Variants in BCDIN3D observed in about 807,000 individuals in gnomAD.
BCDIN3D encodes BCDIN3 domain containing RNA methyltransferase, also known as RNA 5'-monophosphate methyltransferase.
A neutral mutation model predicts 21.2 loss-of-function variants in BCDIN3D; 15 were observed. The ratio of observed to expected loss-of-function variants is 0.71; its 90% CI spans 0.47 to 1.09. The LOEUF (loss-of-function observed/expected upper bound fraction) is 1.09. Among genes scored for constraint, BCDIN3D ranks in the 50% least tolerant of loss-of-function variants. The probability of loss-of-function intolerance (pLI) is 0.00; values close to 1 mark genes in which losing one functional copy is unlikely to be tolerated. For synonymous variants in BCDIN3D, 127 were observed against 141.9 expected, an observed-to-expected ratio of 0.90 and a Z score of 0.75; for missense variants, 331 against 366.2, an observed-to-expected ratio of 0.90 and a Z score of 0.79.
chr12:49,842,778 A>C lies in BCDIN3D; in HGVS notation c.234+76T>G, dbSNP rs560520482. 18 of 1,328,520 alleles carry C rather than the reference A, an allele frequency of 1.4e-5. No homozygotes were observed. The African/African-American group carries it at 2.6e-4, about 19-fold the overall frequency. The allele number at this position is 1,328,520 out of a possible 1,614,324, so 82.3% of individuals were successfully genotyped here. A position where few individuals can be genotyped will look rare whatever the true frequency, so the allele number is the denominator to read the frequency against. On this transcript the variant is annotated intron_variant, in intron 1 of 1. Transcript: ENST00000333924. ...GGAAAGTTTCGATGGGTGTTAGCCC[A>C]GGCCAGAACCACAGTGGATGTGTAG...
At position 49,839,009 on chromosome 12, in the gene BCDIN3D, T is replaced by G. The variant is rs755264135; in HGVS notation, c.241A>C (p.Ser81Arg). The change falls in exon 2 of 2, where the codon AGT (serine) becomes CGT (arginine). Residue 81 changes from serine to arginine, a missense_variant. Physicochemically the swap from Ser to Arg is moderately radical, Grantham distance 110. Coordinates refer to ENST00000333924, the MANE Select transcript of BCDIN3D (RefSeq NM_181708.3). Reference sequence around the variant, plus strand: ...AGGAAGTGTTTGTATAGAGCCACACTCAGATCCTAGAGGAATCCAAAACAG... The same window carrying G: ...AGGAAGTGTTTGTATAGAGCCACACGCAGATCCTAGAGGAATCCAAAACAG... Reference protein sequence around the residue: ...LDVGCNSGDLSVALYKHFLSL... With the variant: ...LDVGCNSGDLRVALYKHFLSL... The G allele has an allele frequency of 6.2e-7, 1 of 1,612,226 alleles. No individual in the cohort carries two copies. The highest frequency in any genetic ancestry group is 8.5e-7 in the Non-Finnish European group (1 of 1,179,266).
At chr12:49,842,175 G>T (rs959633410) in intron 1 of BCDIN3D, among the ~76,000 whole-genome samples, 1 of 152,184 alleles carries the variant, frequency 6.6e-6, no homozygotes, top group Non-Finnish European at 1.5e-5. Flanking sequence ...CCGCCTCCCG[G>T]GTTCACGCCA....
At chr12:49,840,511 A>AT (rs1555154692) in intron 1 of BCDIN3D, 2 of 152,162 alleles carry the variant, frequency 1.3e-5, no homozygotes, top group Non-Finnish European at 2.9e-5. Context: ...GAAAATGTTT[A>AT]TTATTTATTT....
intron 1 of BCDIN3D, chr12:49,841,191 G>GGTACTTA: frequency 6.6e-6 from 1 of 152,144 alleles, no homozygotes; most frequent in South Asian, 2.1e-4. Context: ...CTAAAAGGGG[G>GGTACTTA]GTACTTATAT....
intron 1 of BCDIN3D, chr12:49,841,205 C>T (rs1465094699): frequency 6.6e-6 from 1 of 152,060 alleles, no homozygotes; most frequent in Non-Finnish European, 1.5e-5. Context: ...CTTATATGTA[C>T]GTAAATGCTG....
chr12:49,840,450 G>T (rs940304056), intron 1 of BCDIN3D: 2 of 152,234 alleles, frequency 1.3e-5, no homozygotes, highest in African/African-American at 4.8e-5. Context: ...TCTGGGTAGA[G>T]ATAGAGGTTT....
rs1231256778 is a variant in BCDIN3D at position 49,836,563 on chromosome 12, T to C, written c.*1808A>G. The stretch of plus-strand genomic sequence containing the variant: ...TCTACTGTGATAACTGAGACCATCA[T>C]AAACTAGCCTCATTTCCATTAGTTC... On this transcript the variant is annotated 3_prime_UTR_variant, in exon 2 of 2. Coordinates refer to ENST00000333924, the MANE Select transcript of BCDIN3D (RefSeq NM_181708.3). The C allele has an allele frequency of 6.6e-6, 1 of 152,234 alleles. No individual in the cohort carries two copies. The highest frequency in any genetic ancestry group is 1.9e-4 in the East Asian group (1 of 5,206). The allele number at this position is 152,234 out of a possible 1,614,324, so 9.4% of individuals were successfully genotyped here.
Position 49,838,431 on chromosome 12 carries a change from G to A in BCDIN3D, c.819C>T (p.Ile273=). 1.2e-6 allele frequency: 2 copies of A among 1,612,820 alleles called. No homozygotes were observed. Among genetic ancestry groups the A allele is most frequent in the Non-Finnish European group, 1.7e-6 (2 of 1,180,012 alleles). Residue 273 remains isoleucine (I), a synonymous_variant, in exon 2 of 2, where the codon ATC becomes ATT. Transcript: ENST00000333924. ...TCCCTTTTTCTATCAGTGATTCAGG[G>A]ATTGGATGAGTCTCTATGGTTTGTT... ...RAKQTIETHP[I]PESLIEKGKE...
In BCDIN3D at chr12:49,838,337, T is replaced by TCAA; in HGVS notation, c.*31_*33dup. On this transcript the variant is annotated 3_prime_UTR_variant, in exon 2 of 2. Coordinates refer to ENST00000333924, the MANE Select transcript of BCDIN3D (RefSeq NM_181708.3). ...ACATAATTCTCAATATAAAACCCTTTCAATATCTTTCTTGGTCTTCTTGCC... is the reference window on the plus strand; with the variant it reads ...ACATAATTCTCAATATAAAACCCTTTCAACAATATCTTTCTTGGTCTTCTTGCC... 6.4e-7 allele frequency: 1 copy of TCAA among 1,568,154 alleles called. No homozygotes were observed. The highest frequency in any genetic ancestry group is 8.6e-7 in the Non-Finnish European group (1 of 1,163,048).
At chr12:49,840,274 C>T (rs756088619) in intron 1 of BCDIN3D, 6 of 151,820 alleles carry the variant, frequency 4.0e-5, no homozygotes, top group African/African-American at 1.5e-4. Flanking sequence ...ATGATTCTCA[C>T]AAATACATAA....
Position 49,836,487 on chromosome 12 carries a change from G to A in BCDIN3D, c.*1884C>T, listed in dbSNP as rs993199906. ...GAGAGAGCACCCAGCAGGGTTACAG[G>A]GTTTCAAAGTGTTCCTAAATTAAGA... On this transcript the variant is annotated 3_prime_UTR_variant, in exon 2 of 2. Coordinates refer to ENST00000333924, the MANE Select transcript of BCDIN3D (RefSeq NM_181708.3). The A allele has an allele frequency of 2.6e-5, 4 of 152,156 alleles. No individual in the cohort carries two copies. Among genetic ancestry groups the A allele is most frequent in the Non-Finnish European group, 4.4e-5 (3 of 68,044 alleles). 9.4% of individuals were successfully genotyped at this position (152,156 alleles called of 1,614,324 possible).
At position 49,838,979 on chromosome 12, in the gene BCDIN3D, G is replaced by C. The variant is rs1182740491; in HGVS notation, c.271C>G (p.Leu91Val). The C allele has an allele frequency of 1.9e-6, 3 of 1,613,896 alleles. No homozygotes were observed. Among genetic ancestry groups the C allele is most frequent in the Non-Finnish European group, 1.7e-6 (2 of 1,180,026 alleles). The change falls in exon 2 of 2, where the codon CTA becomes GTA. Residue 91 changes from leucine to valine, a missense_variant. Coordinates refer to ENST00000333924, the MANE Select transcript of BCDIN3D (RefSeq NM_181708.3). ...TCTGAGCAGGTTTCCCCGTCAGGTA[G>C]GGAGAGGAAGTGTTTGTATAGAGCC... is the stretch of plus-strand genomic sequence containing the variant. ...SVALYKHFLS[L>V]PDGETCSDAS...
In BCDIN3D at chr12:49,838,962, G is replaced by A. The variant is rs148394849; in HGVS notation, c.288C>T (p.Thr96=). 2.4e-5 allele frequency: 38 copies of A among 1,614,102 alleles called. No homozygotes were observed. The highest frequency in any genetic ancestry group is 3.1e-5 in the Non-Finnish European group (37 of 1,180,042). ...GGAATTCTCTTGAGGCATCTGAGCA[G>A]GTTTCCCCGTCAGGTAGGGAGAGGA... is the stretch of plus-strand genomic sequence containing the variant. ...KHFLSLPDGE[T]CSDASREFRL... The change falls in exon 2 of 2, where the codon ACC becomes ACT. Residue 96 remains threonine, a synonymous_variant. Coordinates refer to ENST00000333924, the MANE Select transcript of BCDIN3D (RefSeq NM_181708.3).
In BCDIN3D at chr12:49,838,676, A is replaced by G. The variant is rs577673623; in HGVS notation, c.574T>C (p.Tyr192His). 15 of 1,613,940 alleles carry G rather than the reference A, an allele frequency of 9.3e-6. No homozygotes were observed. Among genetic ancestry groups the G allele is most frequent in the Non-Finnish European group, 1.1e-5 (13 of 1,179,794 alleles). Residue 192 changes from tyrosine to histidine, a missense_variant, in exon 2 of 2, where the codon TAC (tyrosine) becomes CAC (histidine). Physicochemically the swap from Tyr to His is moderately conservative, Grantham distance 83 (BLOSUM62 2). Coordinates refer to ENST00000333924, the MANE Select transcript of BCDIN3D (RefSeq NM_181708.3). ...FLAHLSSLCH[Y>H]LLVEPQPWKC... is the part of the protein sequence containing the mutation. ...CAGGGTTGGGGCTCCACAAGGAGGT[A>G]GTGGCAGAGGGAGGAAAGATGGGCC... is the stretch of plus-strand genomic sequence containing the variant.
intron 1 of BCDIN3D, chr12:49,839,445 A>G (rs1267398216): frequency 1.9e-5 from 3 of 162,152 alleles, no homozygotes; most frequent in Admixed American, 1.2e-4. Flanking sequence ...AGCAAGCACA[A>G]TCTTACAAAA....
intron 1 of BCDIN3D, chr12:49,839,516 A>C (rs1239003695): frequency 1.3e-5 from 2 of 158,308 alleles, no homozygotes. Context: ...TTCAGCCTTC[A>C]CTAAAGCTTC....
In BCDIN3D at chr12:49,838,334, C is replaced by G. The variant is rs1465471185; in HGVS notation, c.*37G>C. ...TGAACATAATTCTCAATATAAAACC[C>G]TTTCAATATCTTTCTTGGTCTTCTT... On this transcript the variant is annotated 3_prime_UTR_variant, in exon 2 of 2. Transcript: ENST00000333924. 1 of 1,562,468 alleles carries G rather than the reference C, an allele frequency of 6.4e-7. No homozygotes were observed. The highest frequency in any genetic ancestry group is 1.4e-5 in the African/African-American group (1 of 73,326).
Position 49,838,532 on chromosome 12 carries a change from G to C in BCDIN3D, c.718C>G (p.Gln240Glu), listed in dbSNP as rs1222369630. ...CATATTAATTCCATGCCATGATCCT[G>C]GGTCAAGATCTGCACAATCTGATTG... The part of the protein sequence containing the change: ...MPNQIVQILT[Q>E]DHGMELICCF... The change falls in exon 2 of 2, where the codon CAG (glutamine) becomes GAG (glutamate). Residue 240 changes from glutamine (Q) to glutamate (E), a missense_variant. Transcript: ENST00000333924. 6.2e-7 allele frequency: 1 copy of C among 1,614,138 alleles called. No individual in the cohort carries two copies. The highest frequency in any genetic ancestry group is 8.5e-7 in the Non-Finnish European group (1 of 1,180,040).
chr12:49,839,010 C>T lies in BCDIN3D; in HGVS notation c.240G>A (p.Leu80=), dbSNP rs141794776. 4.9e-5 allele frequency: 79 copies of T among 1,612,064 alleles called. No homozygotes were observed. In the African/African-American group the frequency reaches 1.0e-3, roughly 21 times the overall value. The part of the protein sequence containing the change: ...GLDVGCNSGD[L]SVALYKHFLS... ...GGAAGTGTTTGTATAGAGCCACACT[C>T]AGATCCTAGAGGAATCCAAAACAGC... The change falls in exon 2 of 2, where the codon CTG becomes CTA. Residue 80 remains leucine, a synonymous_variant. Transcript: ENST00000333924.
Sources: allele counts gnomAD v4.1 joint callset (sites outside exome capture counted in the v4.1 genomes callset), GRCh38; gene constraint gnomAD v4.1.1; transcripts MANE v1.5; gene names NCBI Gene and HGNC (gene_info 2026-07-23, HGNC 2026-07-21).